Variants in IP6K2 observed in about 807,000 individuals in gnomAD.
IP6K2 encodes inositol hexakisphosphate kinase 2, also known as ATP:1D-myo-inositol-hexakisphosphate phosphotransferase.
IP6K2 carries 9 observed loss-of-function variants against 43.3 expected under a neutral mutation model. The ratio of observed to expected loss-of-function variants is 0.21; its 90% CI spans 0.13 to 0.36. The LOEUF (loss-of-function observed/expected upper bound fraction) is 0.36, where lower values mean the gene tolerates loss of function less well. Among genes scored for constraint, IP6K2 ranks in the 10% least tolerant of loss-of-function variants. The pLI, the probability that IP6K2 is intolerant of heterozygous loss-of-function variation, is 1.00. For missense variants in IP6K2, 332 were observed against 538.4 expected (o/e 0.62, Z 3.79); for synonymous variants, 209 against 202.4 (o/e 1.03, Z -0.28).
At chr3:48,690,241 A>C (rs548376947) in intron 4 of IP6K2, among the ~76,000 whole-genome samples, 1 of 152,248 alleles carries the variant, frequency 6.6e-6, no homozygotes, top group Non-Finnish European at 1.5e-5. Flanking sequence ...CCATTCAAGG[A>C]ATCAGTGCTC....
intron 1 of IP6K2, among the ~76,000 whole-genome samples, chr3:48,697,606 G>T (rs1449392141): frequency 2.0e-5 from 3 of 149,080 alleles, no homozygotes; most frequent in Non-Finnish European, 4.4e-5. Context: ...CTCCCAAAGT[G>T]CTGGGACTAT....
intron 5 of IP6K2, among the ~76,000 whole-genome samples, chr3:48,689,029 T>C (rs1015997467): frequency 2.0e-5 from 3 of 152,238 alleles, no homozygotes; most frequent in Non-Finnish European, 4.4e-5. Context: ...CCAAACCCTT[T>C]TGCCTTCCTC....
At chr3:48,693,577 C>T in intron 2 of IP6K2, 1 of 1,185,922 alleles carries the variant, frequency 8.4e-7, no homozygotes, top group South Asian at 1.7e-5. Context: ...AGCCTCATGG[C>T]TTGCTTTAAA....
rs1302479965 is a variant in IP6K2 at position 48,705,868 on chromosome 3, AAAAAAAAT to A, written c.-130-10455_-130-10448del. Among the ~76,000 whole-genome samples the A allele has an allele frequency of 6.1e-4, 88 of 143,506 alleles. 2 individuals are homozygous for A. The highest frequency in any genetic ancestry group is 3.1e-3 in the South Asian group (14 of 4,502). 94.1% of individuals were successfully genotyped at this position (143,506 alleles called of 152,430 possible). On this transcript the variant is annotated intron_variant, in intron 1 of 5. Transcript: ENST00000328631. Reference sequence around the variant, plus strand: ...AAAATAAAAATAAAAAATAAAAAATAAAAAAAATAAAAAAATAAAAAATAATAAAATAA... The same window carrying A: ...AAAATAAAAATAAAAAATAAAAAATAAAAAAAATAAAAAATAATAAAATAA...
chr3:48,694,892 A>G (rs563115137), intron 2 of IP6K2, 198 bp downstream of exon 2: 6 of 1,540,408 alleles, frequency 3.9e-6, no homozygotes, highest in South Asian at 2.4e-5. Context: ...AACAGAATTG[A>G]GCAATCTTAC....
chr3:48,710,985 T>C (rs2080443713), intron 1 of IP6K2, among the ~76,000 whole-genome samples: 1 of 152,182 alleles, frequency 6.6e-6, no homozygotes, highest in Non-Finnish European at 1.5e-5. Context: ...CACAGCTCAC[T>C]GCAGCCTTGC....
intron 1 of IP6K2, among the ~76,000 whole-genome samples, chr3:48,703,892 A>C (rs2079369814): frequency 6.6e-6 from 1 of 152,028 alleles, no homozygotes; most frequent in Non-Finnish European, 1.5e-5. Context: ...GGAGTTCAAG[A>C]CCAGCCTAGC....
chr3:48,693,355 C>G (rs760443497), intron 2 of IP6K2, 176 bp from the exon 3 acceptor site: 2 of 1,118,952 alleles, frequency 1.8e-6, no homozygotes, highest in Non-Finnish European at 2.7e-6. Context: ...AAGATGACAC[C>G]ATACAAGACA....
intron 1 of IP6K2, chr3:48,716,390 A>T (rs1474969090): frequency 6.6e-6 from 1 of 152,200 alleles, no homozygotes; most frequent in Non-Finnish European, 1.5e-5. Context: ...GGTATTTAAG[A>T]GCACTGGATT....
intron 1 of IP6K2, chr3:48,716,373 T>G (rs1431822524): frequency 6.6e-6 from 1 of 152,220 alleles, no homozygotes; most frequent in African/African-American, 2.4e-5. Flanking sequence ...CTAGTTCTGT[T>G]TTCCCTGGTA....
chr3:48,695,815 C>T lies in IP6K2; in HGVS notation c.-130-394G>A, dbSNP rs1390248036. Among the ~76,000 whole-genome samples, 3 of 146,478 alleles carry T rather than the reference C, an allele frequency of 2.0e-5. No individual in the cohort carries two copies. Among genetic ancestry groups the T allele is most frequent in the African/African-American group, 5.0e-5 (2 of 40,004 alleles). ...TTTAAGTGGATGATGCCCAGGTCTC[C>T]CATTAATTTTATATATTATATATAA... On this transcript the variant is annotated intron_variant, in intron 1 of 5. Coordinates refer to ENST00000328631, the MANE Select transcript of IP6K2 (RefSeq NM_016291.4). This position sits in a 1 kb window ranked among gnomAD's most constrained non-coding sequence, Gnocchi z 4.6.
rs982469645 is a variant in IP6K2 at position 48,689,709 on chromosome 3, A to G, written c.609T>C (p.Phe203=). The G allele has an allele frequency of 6.2e-7, 1 of 1,613,602 alleles. No homozygotes were observed. Among genetic ancestry groups the G allele is most frequent in the African/African-American group, 1.3e-5 (1 of 74,920 alleles). The change falls in exon 5 of 6, where the codon TTT becomes TTC. Residue 203 remains phenylalanine, a synonymous_variant. Coordinates refer to ENST00000328631, the MANE Select transcript of IP6K2 (RefSeq NM_016291.4). ...ENAKHRNQYK[F]ILLENLTSRY... ...GGGAAGTCAGGTTTTCCAGTAAGATAAATTCTGAGTAGTTAAGAATAATAC... is the reference window on the plus strand; with the variant it reads ...GGGAAGTCAGGTTTTCCAGTAAGATGAATTCTGAGTAGTTAAGAATAATAC...
At chr3:48,689,177 G>A (rs1054490474) in intron 5 of IP6K2, among the ~76,000 whole-genome samples, 1 of 152,278 alleles carries the variant, frequency 6.6e-6, no homozygotes, top group East Asian at 1.9e-4. Flanking sequence ...TTTATTTTGA[G>A]ACAGTCTCGC....
Position 48,689,678 on chromosome 3 carries a change from C to T in IP6K2, c.640G>A (p.Glu214Lys), listed in dbSNP as rs41276537. The T allele has an allele frequency of 1.1e-5, 18 of 1,613,884 alleles. No homozygotes were observed. Among genetic ancestry groups the T allele is most frequent in the Admixed American group, 1.7e-5 (1 of 59,896 alleles). The change falls in exon 5 of 6, where the codon GAG becomes AAG. Residue 214 changes from glutamate to lysine, a missense_variant. Coordinates refer to ENST00000328631, the MANE Select transcript of IP6K2 (RefSeq NM_016291.4). Reference sequence around the variant, plus strand: ...TTGAGGTCAAGGACACAAGGCACCTCGTAGCGGGAAGTCAGGTTTTCCAGT... The same window carrying T: ...TTGAGGTCAAGGACACAAGGCACCTTGTAGCGGGAAGTCAGGTTTTCCAGT... ...ILLENLTSRY[E>K]VPCVLDLKMG...
intron 3 of IP6K2, 106 bp from the exon 4 acceptor site, chr3:48,691,588 G>A: frequency 1.3e-6 from 1 of 746,960 alleles, no homozygotes; most frequent in Non-Finnish European, 2.2e-6. Flanking sequence ...GGCCGAGATG[G>A]GCAGATCACT....
intron 1 of IP6K2, among the ~76,000 whole-genome samples, chr3:48,703,442 C>T (rs1456521986): frequency 6.6e-6 from 1 of 151,664 alleles, no homozygotes; most frequent in Non-Finnish European, 1.5e-5. Context: ...CGGTGGCTCA[C>T]GCCTGTAATC....
In IP6K2 at chr3:48,695,102, G is replaced by A. The variant is rs1285315402; in HGVS notation, c.190C>T (p.Pro64Ser). Residue 64 changes from proline to serine, a missense_variant, in exon 2 of 6, where the codon CCC becomes TCC. Pro to Ser is a moderately conservative substitution (Grantham distance 74). Coordinates refer to ENST00000328631, the MANE Select transcript of IP6K2 (RefSeq NM_016291.4). This position sits in a 1 kb window ranked among gnomAD's most constrained non-coding sequence, Gnocchi z 4.6. ...TLPAEMRKFTPQYKGVVSVRF... is the reference protein window; with the variant it reads ...TLPAEMRKFTSQYKGVVSVRF... ...AGCTGGGACTTACCTTTGTACTGGGGAGTGAATTTGCGCATCTCAGCAGGG... is the reference window on the plus strand; with the variant it reads ...AGCTGGGACTTACCTTTGTACTGGGAAGTGAATTTGCGCATCTCAGCAGGG... 1 of 1,613,344 alleles carries A rather than the reference G, an allele frequency of 6.2e-7. No homozygotes were observed. The highest frequency in any genetic ancestry group is 8.5e-7 in the Non-Finnish European group (1 of 1,179,258).
chr3:48,709,440 A>C lies in IP6K2; in HGVS notation c.-131+7717T>G, dbSNP rs1002769173. Among the ~76,000 whole-genome samples, 11 of 152,340 alleles carry C rather than the reference A, an allele frequency of 7.2e-5. No individual in the cohort carries two copies. The South Asian group carries it at 1.0e-3, about 14-fold the overall frequency. The stretch of plus-strand genomic sequence containing the variant: ...AAACTACTCCAGGTTCGTGGCAGCA[A>C]TCTGGCAGCTTGTATCACCCAACCC... On this transcript the variant is annotated intron_variant, in intron 1 of 5. Coordinates refer to ENST00000328631, the MANE Select transcript of IP6K2 (RefSeq NM_016291.4).
intron 1 of IP6K2, chr3:48,715,275 G>C (rs1270457999): frequency 1.3e-6 from 2 of 1,535,674 alleles, no homozygotes; most frequent in Non-Finnish European, 1.7e-6. Context: ...TTCTTCCCCA[G>C]TGCATCCTCT....
Sources: gnomAD v4.1 joint callset for allele counts (sites outside exome capture counted in the v4.1 genomes callset) on GRCh38, gnomAD v4.1.1 for gene constraint, Gnocchi (gnomAD v3.1) non-coding constraint, MANE v1.5 for transcripts, NCBI Gene and HGNC (gene_info 2026-07-23, HGNC 2026-07-21) for gene names.